The following SIPA1L1 variants were observed in gnomAD, a reference collection of about 807,000 sequenced individuals.
SIPA1L1 encodes the protein signal-induced proliferation-associated 1-like protein 1.
A neutral mutation model predicts 162.7 loss-of-function variants in SIPA1L1; 26 were observed. The ratio of observed to expected loss-of-function variants is 0.16; its 90% CI spans 0.12 to 0.22. SIPA1L1 has a LOEUF of 0.22. Among genes scored for constraint, SIPA1L1 ranks in the 10% least tolerant of loss-of-function variants. The probability of loss-of-function intolerance (pLI) is 1.00; values close to 1 mark genes in which losing one functional copy is unlikely to be tolerated. For missense variants in SIPA1L1, 1,874 were observed against 2,241.0 expected (o/e 0.84, Z 3.31); for synonymous variants, 829 against 837.4 (o/e 0.99, Z 0.17).
intron 2 of SIPA1L1, among the ~76,000 whole-genome samples, chr14:71,472,380 C>T (rs2047530941): frequency 6.6e-6 from 1 of 150,514 alleles, no homozygotes; most frequent in South Asian, 2.1e-4. Context: ...TCCAAAAAAC[C>T]ACAAACTCAA....
intron 5 of SIPA1L1, among the ~76,000 whole-genome samples, chr14:71,603,090 A>C (rs377081735): frequency 3.3e-5 from 5 of 152,176 alleles, no homozygotes; most frequent in African/African-American, 7.2e-5. Flanking sequence ...GAGTTGATCT[A>C]TCTTATATAA....
intron 2 of SIPA1L1, among the ~76,000 whole-genome samples, chr14:71,379,021 C>T (rs1190406272): frequency 1.3e-5 from 2 of 152,104 alleles, no homozygotes; most frequent in East Asian, 3.9e-4. Context: ...TTCAGCCTCA[C>T]CCCTTAGTAC....
chr14:71,739,127 C>G lies in SIPA1L1; in HGVS notation c.5318C>G (p.Thr1773Arg), dbSNP rs780822739. Reference protein sequence around the residue: ...QNASDKLKKFTEWVFNTIDMS With the variant: ...QNASDKLKKFREWVFNTIDMS ...GCCTCGGACAAGCTGAAGAAGTTCA[C>G]AGAATGGGTCTTCAACACCATAGAC... is the stretch of plus-strand genomic sequence containing the variant. Residue 1773 changes from threonine (T) to arginine (R), a missense_variant, in exon 24 of 24, where the codon ACA becomes AGA. Thr to Arg is a moderately conservative substitution (Grantham distance 71). Coordinates refer to ENST00000381232, the MANE Select transcript of SIPA1L1 (RefSeq NM_001386936.1). 19 of 1,613,840 alleles carry G rather than the reference C, an allele frequency of 1.2e-5. No individual in the cohort carries two copies. Among genetic ancestry groups the G allele is most frequent in the Non-Finnish European group, 1.5e-5 (18 of 1,179,908 alleles).
chr14:71,578,354 C>G (rs181440758), intron 4 of SIPA1L1, among the ~76,000 whole-genome samples: 1 of 152,170 alleles, frequency 6.6e-6, no homozygotes, highest in South Asian at 2.1e-4. Context: ...AGTTGTGAGC[C>G]GCTGCACCTG....
At chr14:71,344,547 ATCTGTCTG>A (rs369305460) in intron 2 of SIPA1L1, among the ~76,000 whole-genome samples, 11 of 151,850 alleles carry the variant, frequency 7.2e-5, no homozygotes, top group Non-Finnish European at 1.3e-4. Flanking sequence ...AAATTTCTCT[ATCTGTCTG>A]TCTGTCTGTC....
chr14:71,451,457 G>A (rs1046209510), intron 2 of SIPA1L1, among the ~76,000 whole-genome samples: 1 of 151,720 alleles, frequency 6.6e-6, no homozygotes, highest in Non-Finnish European at 1.5e-5. Context: ...CATATAGTGA[G>A]ACCTTGTCTC....
At chr14:71,380,095 C>A (rs1223949937) in intron 2 of SIPA1L1, among the ~76,000 whole-genome samples, 2 of 152,066 alleles carry the variant, frequency 1.3e-5, no homozygotes, top group African/African-American at 4.8e-5. Flanking sequence ...AGTTTCTTCA[C>A]CCAGAAATGT....
rs547440271 is a variant in SIPA1L1 at position 71,480,286 on chromosome 14, T to C, written c.-464-32457T>C. ...TTTTAGTAGAGACGGGTTTTTGCCA[T>C]GTTGGCCAGGCCAGTCTTGAACTCC... On this transcript the variant is annotated intron_variant, in intron 2 of 23. Coordinates refer to ENST00000381232, the MANE Select transcript of SIPA1L1 (RefSeq NM_001386936.1). 2.3e-4 allele frequency among the ~76,000 whole-genome samples: 35 copies of C among 151,568 alleles called. No individual in the cohort carries two copies. In the South Asian group the frequency reaches 6.7e-3, roughly 29 times the overall value.
chr14:71,648,593 A>T (rs79064452), intron 7 of SIPA1L1, among the ~76,000 whole-genome samples: 1,868 of 152,304 alleles, frequency 0.012, 26 homozygotes, highest in Non-Finnish European at 0.019. Context: ...AAAATGTATG[A>T]CCCATATAGT....
chr14:71,469,723 G>C (rs1238445035), intron 2 of SIPA1L1, among the ~76,000 whole-genome samples: 1 of 152,194 alleles, frequency 6.6e-6, no homozygotes, highest in Admixed American at 6.5e-5. Flanking sequence ...AGGTGATGTT[G>C]CTGTATACCT....
chr14:71,694,678 TA>T (rs2081496022), intron 13 of SIPA1L1, among the ~76,000 whole-genome samples: 1 of 152,190 alleles, frequency 6.6e-6, no homozygotes, highest in Admixed American at 6.5e-5. Context: ...GAGCATTCTT[TA>T]AAAAGAATAT....
chr14:71,412,695 A>G (rs2042493665), intron 2 of SIPA1L1, among the ~76,000 whole-genome samples: 1 of 152,224 alleles, frequency 6.6e-6, no homozygotes, highest in Non-Finnish European at 1.5e-5. Flanking sequence ...GAGTGAAACT[A>G]CTAAGTTCTG....
At chr14:71,504,168 T>A (rs540059158) in intron 2 of SIPA1L1, among the ~76,000 whole-genome samples, 110 of 152,168 alleles carry the variant, frequency 7.2e-4, no homozygotes, top group Non-Finnish European at 1.1e-3. Context: ...AAAAAAAAAA[T>A]TTAAAGTTTT....
At chr14:71,392,044 T>G (rs2040802270) in intron 2 of SIPA1L1, among the ~76,000 whole-genome samples, 1 of 152,164 alleles carries the variant, frequency 6.6e-6, no homozygotes, top group South Asian at 2.1e-4. Context: ...CTATGTCCAT[T>G]TAGGTTTGGA....
chr14:71,448,615 T>G (rs908134005), intron 2 of SIPA1L1: 4 of 152,224 alleles, frequency 2.6e-5, no homozygotes, highest in African/African-American at 9.6e-5. Flanking sequence ...TGTTTTGCAT[T>G]AATGTGTTAT....
intron 2 of SIPA1L1, among the ~76,000 whole-genome samples, chr14:71,396,551 G>A (rs1187028741): frequency 6.6e-6 from 1 of 152,106 alleles, no homozygotes; most frequent in Non-Finnish European, 1.5e-5. Context: ...CTTTAGAAAC[G>A]AGCATGTCCT....
chr14:71,464,579 T>G (rs1420552912), intron 2 of SIPA1L1, among the ~76,000 whole-genome samples: 3 of 152,084 alleles, frequency 2.0e-5, no homozygotes, highest in Admixed American at 6.5e-5. Context: ...AGGCGGAGGT[T>G]GCAGTGAGCC....
At chr14:71,570,110 G>A (rs553389849) in intron 4 of SIPA1L1, among the ~76,000 whole-genome samples, 1 of 152,150 alleles carries the variant, frequency 6.6e-6, no homozygotes, top group African/African-American at 2.4e-5. Context: ...AAGTCATAGT[G>A]TTTTCCCCTC....
rs548177882 is a variant in SIPA1L1 at position 71,549,564 on chromosome 14, T to C, written c.-303+20194T>C. Among the ~76,000 whole-genome samples, 8 of 152,334 alleles carry C rather than the reference T, an allele frequency of 5.3e-5. No individual in the cohort carries two copies. The East Asian group carries it at 1.4e-3, about 26-fold the overall frequency. Reference sequence around the variant, plus strand: ...GTATTTTTAATCACAAGTTGGCCAATTGGGAGGTTTCTAACCAGTTCCTTG... The same window carrying C: ...GTATTTTTAATCACAAGTTGGCCAACTGGGAGGTTTCTAACCAGTTCCTTG... On this transcript the variant is annotated intron_variant, in intron 4 of 23. Coordinates refer to ENST00000381232, the MANE Select transcript of SIPA1L1 (RefSeq NM_001386936.1).
Sources: allele counts gnomAD v4.1 joint callset (sites outside exome capture counted in the v4.1 genomes callset), GRCh38; gene constraint gnomAD v4.1.1; transcripts MANE v1.5; gene names NCBI Gene and HGNC (gene_info 2026-07-23, HGNC 2026-07-21).